CERS3: variants seen among roughly 807,000 people sequenced by gnomAD.
CERS3 encodes ceramide synthase 3.
A neutral mutation model predicts 50.3 loss-of-function variants in CERS3; 33 were observed. The ratio of observed to expected loss-of-function variants is 0.66; its 90% CI spans 0.50 to 0.88. CERS3 has a LOEUF of 0.88. CERS3 is among the 40% of genes least tolerant of loss of function. The pLI is 0.00. For synonymous variants in CERS3, 176 were observed against 155.2 expected, an observed-to-expected ratio of 1.13 and a Z score of -0.99; for missense variants, 470 against 460.3, an observed-to-expected ratio of 1.02 and a Z score of -0.19.
intron 11 of CERS3, among the ~76,000 whole-genome samples, chr15:100,425,327 C>A (rs1050205650): frequency 6.6e-6 from 1 of 152,230 alleles, no homozygotes; most frequent in South Asian, 2.1e-4. Flanking sequence ...GCACGCAACA[C>A]CAGCCCTTGA....
rs781243049 is a variant in CERS3 at position 100,456,028 on chromosome 15, C to A, written c.864G>T (p.Leu288=). ...GCTCGAGGTGATACATAGGCAAGATCAGCGTGCAATATAAAATCCTGAAAC... is the reference window on the plus strand; with the variant it reads ...GCTCGAGGTGATACATAGGCAAGATAAGCGTGCAATATAAAATCCTGAAAC... ...VFPFWILYCT[L]ILPMYHLEPF... The change falls in exon 11 of 12, where the codon CTG becomes CTT. Residue 288 remains leucine (L), a synonymous_variant. Transcript: ENST00000679737. 2.6e-5 allele frequency: 42 copies of A among 1,608,652 alleles called. 1 individual carries two copies. Among genetic ancestry groups the A allele is most frequent in the Non-Finnish European group, 3.0e-5 (35 of 1,177,450 alleles).
chr15:100,408,472 T>C (rs1031036972), intron 11 of CERS3: 1 of 152,212 alleles, frequency 6.6e-6, no homozygotes, highest in South Asian at 2.1e-4. Flanking sequence ...ATGAAATGCA[T>C]ATTTTATCAG....
At chr15:100,495,375 C>T (rs1360192772) in intron 3 of CERS3, among the ~76,000 whole-genome samples, 1 of 152,208 alleles carries the variant, frequency 6.6e-6, no homozygotes, top group African/African-American at 2.4e-5. Flanking sequence ...TCCCTGTAAG[C>T]CTTTGGCTGA....
chr15:100,501,042 C>T (rs1401910957), intron 3 of CERS3, among the ~76,000 whole-genome samples: 2 of 151,996 alleles, frequency 1.3e-5, no homozygotes, highest in African/African-American at 4.8e-5. Context: ...TATCATAACA[C>T]TAGTACAATT....
chr15:100,482,475 G>A (rs1358838157), intron 5 of CERS3, among the ~76,000 whole-genome samples: 3 of 152,130 alleles, frequency 2.0e-5, no homozygotes, highest in Admixed American at 1.3e-4. Context: ...CAGCCGGGGA[G>A]AGCCCTTTCT....
chr15:100,530,814 G>A (rs146957327), upstream of CERS3, among the ~76,000 whole-genome samples: 92 of 152,312 alleles, frequency 6.0e-4, no homozygotes, highest in African/African-American at 2.1e-3. Flanking sequence ...TGGGAACAGT[G>A]GCTCACACCT....
At chr15:100,408,324 G>A (rs2031219917) in intron 11 of CERS3, among the ~76,000 whole-genome samples, 1 of 152,066 alleles carries the variant, frequency 6.6e-6, no homozygotes, top group East Asian at 1.9e-4. Flanking sequence ...CAATGCTACT[G>A]ATGACATTTG....
upstream of CERS3, among the ~76,000 whole-genome samples, chr15:100,532,704 A>T (rs2036967712): frequency 6.6e-6 from 1 of 152,148 alleles, no homozygotes; most frequent in South Asian, 2.1e-4. Flanking sequence ...GGTTGCAGTG[A>T]GCTGTAATCG....
intron 3 of CERS3, among the ~76,000 whole-genome samples, chr15:100,499,954 T>C (rs2035948612): frequency 6.6e-6 from 1 of 152,188 alleles, no homozygotes; most frequent in Non-Finnish European, 1.5e-5. Context: ...GTCATTTACC[T>C]CTCATTTCCA....
At chr15:100,508,858 A>G (rs1178124580) in intron 2 of CERS3, among the ~76,000 whole-genome samples, 1 of 152,048 alleles carries the variant, frequency 6.6e-6, no homozygotes, top group African/African-American at 2.4e-5. Context: ...TCCTGTGTGC[A>G]TTCTCTAAGT....
chr15:100,409,291 A>G (rs946599134), intron 11 of CERS3, among the ~76,000 whole-genome samples: 5 of 152,198 alleles, frequency 3.3e-5, no homozygotes, highest in African/African-American at 1.2e-4. Context: ...AAACACGGAC[A>G]TGTTCTACAT....
At chr15:100,535,690 GAAGTATCCATATGTGCATGT>G (rs1374264339) in intron 1 of CERS3, among the ~76,000 whole-genome samples, 6 of 151,272 alleles carry the variant, frequency 4.0e-5, no homozygotes, top group Non-Finnish European at 5.9e-5. Flanking sequence ...GCACGAATTA[GAAGTATCCATATGTGCATGT>G]GAAGTGGGGA....
At position 100,514,571 on chromosome 15, in the gene CERS3, T is replaced by C. The variant is rs569831699; in HGVS notation, c.-2+7096A>G. 2.6e-5 allele frequency among the ~76,000 whole-genome samples: 4 copies of C among 152,294 alleles called. No individual in the cohort carries two copies. The South Asian group carries it at 8.3e-4, about 32-fold the overall frequency. ...CTTCAATGTTAGTAATATTAGTTTT[T>C]TAAAGACCAGAATGTTTAAGCACAT... On this transcript the variant is annotated intron_variant, in intron 2 of 11. Transcript: ENST00000679737.
intron 11 of CERS3, among the ~76,000 whole-genome samples, chr15:100,409,624 C>G (rs896141734): frequency 6.6e-6 from 1 of 152,170 alleles, no homozygotes; most frequent in African/African-American, 2.4e-5. Flanking sequence ...GAAACTCTAC[C>G]TGTCTGCTTT....
At chr15:100,486,462 G>T (rs1275481101) in intron 4 of CERS3, among the ~76,000 whole-genome samples, 1 of 152,196 alleles carries the variant, frequency 6.6e-6, no homozygotes, top group East Asian at 1.9e-4. Context: ...AGGACCAAGG[G>T]ATTAGAATGT....
Position 100,404,201 on chromosome 15 carries a change from A to T in CERS3, c.1000-1336T>A, listed in dbSNP as rs556637644. On this transcript the variant is annotated intron_variant, in intron 11 of 11. Transcript: ENST00000679737. ...TAACTGACACCTTGATTTTGGCTCA[A>T]AACTAATTATGGACTTCTGACCTCT... is the stretch of plus-strand genomic sequence containing the variant. 8.8e-4 allele frequency among the ~76,000 whole-genome samples: 134 copies of T among 152,342 alleles called. 1 individual carries two copies. The highest frequency in any genetic ancestry group is 2.9e-3 in the African/African-American group (122 of 41,578).
chr15:100,410,196 C>G (rs1451589119), intron 11 of CERS3, among the ~76,000 whole-genome samples: 1 of 152,184 alleles, frequency 6.6e-6, no homozygotes, highest in African/African-American at 2.4e-5. Context: ...CCCAACGACT[C>G]CCTTTGGTTA....
At chr15:100,426,910 G>A (rs1485077622) in intron 11 of CERS3, among the ~76,000 whole-genome samples, 1 of 152,122 alleles carries the variant, frequency 6.6e-6, no homozygotes, top group Non-Finnish European at 1.5e-5. Flanking sequence ...CTTTTATGAG[G>A]TACTTCATTT....
chr15:100,492,434 C>T (rs2035680905), intron 3 of CERS3, among the ~76,000 whole-genome samples: 1 of 152,156 alleles, frequency 6.6e-6, no homozygotes, highest in Non-Finnish European at 1.5e-5. Flanking sequence ...GACAGATTTA[C>T]CCTTTTATTA....
Sources: gnomAD v4.1 joint callset for allele counts (sites outside exome capture counted in the v4.1 genomes callset) on GRCh38, gnomAD v4.1.1 for gene constraint, MANE v1.5 for transcripts, NCBI Gene and HGNC (gene_info 2026-07-23, HGNC 2026-07-21) for gene names.